The following GABRB2 variants were observed in gnomAD, a reference collection of about 807,000 sequenced individuals.
The protein encoded by GABRB2 is gamma-aminobutyric acid receptor subunit beta-2.
GABRB2 carries 16 observed loss-of-function variants against 54.7 expected under a neutral mutation model. The ratio of observed to expected loss-of-function variants is 0.29; its 90% confidence interval spans 0.20 to 0.44. The LOEUF (loss-of-function observed/expected upper bound fraction) is 0.44. Ranked by LOEUF, GABRB2 falls within the 20% of genes least tolerant of loss-of-function variation. The pLI is 1.00. For missense variants in GABRB2, 355 were observed against 644.0 expected, an observed-to-expected ratio of 0.55 and a Z score of 4.86; for synonymous variants, 244 against 233.8, an observed-to-expected ratio of 1.04 and a Z score of -0.40.
rs78346603 is a variant in GABRB2 at position 161,333,289 on chromosome 5, A to T, written c.832+1463T>A. 1.1e-3 allele frequency among the ~76,000 whole-genome samples: 174 copies of T among 152,338 alleles called. 1 individual carries two copies. Among genetic ancestry groups the T allele is most frequent in the African/African-American group, 3.9e-3 (161 of 41,576 alleles). ...CCATGCAAGACACTGCAGATATAAA[A>T]CTAGATATGGACCTTTCCTCCATGG... On this transcript the variant is annotated intron_variant, in intron 7 of 9. Transcript: ENST00000393959.
chr5:161,529,289 C>T (rs1010099368), intron 3 of GABRB2, among the ~76,000 whole-genome samples: 3 of 151,870 alleles, frequency 2.0e-5, no homozygotes, highest in Admixed American at 6.6e-5. Flanking sequence ...TCTATTTGTT[C>T]GATTTATGTG....
chr5:161,364,722 A>C (rs765345257), intron 5 of GABRB2, among the ~76,000 whole-genome samples: 25 of 152,262 alleles, frequency 1.6e-4, no homozygotes, highest in Non-Finnish European at 3.4e-4. Flanking sequence ...GCTGACTGAT[A>C]ATTAGCCACT....
chr5:161,544,395 G>A (rs1264479852), intron 3 of GABRB2, among the ~76,000 whole-genome samples: 2 of 152,102 alleles, frequency 1.3e-5, no homozygotes, highest in Admixed American at 6.5e-5. Flanking sequence ...CCAAGTATGT[G>A]GGGGCGTCTG....
chr5:161,387,167 G>A (rs1311682398), intron 5 of GABRB2, among the ~76,000 whole-genome samples: 1 of 151,868 alleles, frequency 6.6e-6, no homozygotes, highest in African/African-American at 2.4e-5. Flanking sequence ...TAATCCTGTG[G>A]CAGGTGTGCT....
intron 9 of GABRB2, among the ~76,000 whole-genome samples, chr5:161,325,542 G>C (rs1758337617): frequency 6.6e-6 from 1 of 152,066 alleles, no homozygotes; most frequent in Non-Finnish European, 1.5e-5. Context: ...CTGATACTTA[G>C]AAGATATAAT....
In GABRB2 at chr5:161,325,472, T is replaced by C. The variant is rs146684807; in HGVS notation, c.1191+896A>G. ...TTATCCATTCTGTCCCCTACCCCAA[T>C]GGCAACAACAATGATGTATTAAAGA... On this transcript the variant is annotated intron_variant, in intron 9 of 9. Transcript: ENST00000393959. Among the ~76,000 whole-genome samples, 1,129 of 152,162 alleles carry C rather than the reference T, an allele frequency of 7.4e-3. 12 individuals carry two copies. The highest frequency in any genetic ancestry group is 0.025 in the African/African-American group (1,026 of 41,544).
intron 9 of GABRB2, among the ~76,000 whole-genome samples, chr5:161,304,040 C>T: frequency 6.6e-6 from 1 of 152,066 alleles, no homozygotes; most frequent in East Asian, 1.9e-4. Flanking sequence ...ACAATACTTA[C>T]TAAATTGAAT....
intron 5 of GABRB2, among the ~76,000 whole-genome samples, chr5:161,340,455 G>T (rs1327516251): frequency 6.6e-6 from 1 of 151,926 alleles, no homozygotes; most frequent in Non-Finnish European, 1.5e-5. Context: ...TTACCATAGT[G>T]CTGGCACACA....
intron 4 of GABRB2, among the ~76,000 whole-genome samples, chr5:161,441,654 A>G (rs1160005137): frequency 6.6e-6 from 1 of 152,166 alleles, no homozygotes; most frequent in Non-Finnish European, 1.5e-5. Context: ...CTGTACTCCT[A>G]TGTTTGTTGC....
intron 3 of GABRB2, among the ~76,000 whole-genome samples, chr5:161,498,970 C>T (rs1302352526): frequency 6.6e-6 from 1 of 152,124 alleles, no homozygotes; most frequent in Non-Finnish European, 1.5e-5. Flanking sequence ...ACCTTTCTAC[C>T]CCCACGTCCT....
intron 5 of GABRB2, among the ~76,000 whole-genome samples, chr5:161,377,895 T>C (rs903718886): frequency 6.6e-6 from 1 of 152,080 alleles, no homozygotes; most frequent in African/African-American, 2.4e-5. Context: ...GTTTAATTTG[T>C]GTAAAATATT....
At chr5:161,356,766 G>C (rs140199367) in intron 5 of GABRB2, among the ~76,000 whole-genome samples, 2 of 152,138 alleles carry the variant, frequency 1.3e-5, no homozygotes, top group Non-Finnish European at 2.9e-5. Context: ...AAGAAACACA[G>C]AGAGGCACTC....
In GABRB2 at chr5:161,344,257, G is replaced by A. The variant is rs1203912424; in HGVS notation, c.542-7488C>T. 2.6e-5 allele frequency among the ~76,000 whole-genome samples: 4 copies of A among 152,134 alleles called. 1 individual carries two copies. The East Asian group carries it at 7.7e-4, about 29-fold the overall frequency. ...TTGCTGATGCTGTCTCTATTCAGGGGCCTGGTTTCCTTAAATAGTCTATAA... is the reference window on the plus strand; with the variant it reads ...TTGCTGATGCTGTCTCTATTCAGGGACCTGGTTTCCTTAAATAGTCTATAA... On this transcript the variant is annotated intron_variant, in intron 5 of 9. Coordinates refer to ENST00000393959, the MANE Select transcript of GABRB2 (RefSeq NM_001371727.1).
intron 4 of GABRB2, among the ~76,000 whole-genome samples, chr5:161,441,928 A>C (rs1487371299): frequency 1.3e-5 from 2 of 152,196 alleles, no homozygotes; most frequent in Admixed American, 6.5e-5. Flanking sequence ...ACATAGAGTG[A>C]AGAAGAATGA....
intron 4 of GABRB2, among the ~76,000 whole-genome samples, chr5:161,437,491 A>G (rs1757345639): frequency 6.6e-6 from 1 of 152,072 alleles, no homozygotes; most frequent in Admixed American, 6.6e-5. Context: ...ACTAACCAGC[A>G]TTGATACCCA....
chr5:161,428,592 G>A (rs35143439), intron 4 of GABRB2, among the ~76,000 whole-genome samples: 3,515 of 152,126 alleles, frequency 0.023, 59 homozygotes, highest in Non-Finnish European at 0.034. Context: ...TTATAGTGTC[G>A]TCAATAAATT....
rs955242638 is a variant in GABRB2 at position 161,290,247 on chromosome 5, GT to G, written c.*3833del. ...GCCCTAACCAACATGGTGGGGTTTAGTTTTTTTTTTTTCTTCCTCTTTGGAG... is the reference window on the plus strand; with the variant it reads ...GCCCTAACCAACATGGTGGGGTTTAGTTTTTTTTTTTCTTCCTCTTTGGAG... On this transcript the variant is annotated 3_prime_UTR_variant, in exon 10 of 10. Transcript: ENST00000393959. 7.8e-3 allele frequency: 1,134 copies of G among 145,386 alleles called. 14 individuals are homozygous for G. Among genetic ancestry groups the G allele is most frequent in the African/African-American group, 0.025 (1,006 of 39,854 alleles). 9.0% of individuals were successfully genotyped at this position (145,386 alleles called of 1,614,324 possible). A position where few individuals can be genotyped will look rare whatever the true frequency, so the allele number is the denominator to read the frequency against.
intron 5 of GABRB2, among the ~76,000 whole-genome samples, chr5:161,389,571 A>AGTGTGTGTGT (rs10666283): frequency 5.5e-5 from 8 of 145,834 alleles, no homozygotes; most frequent in African/African-American, 1.5e-4. Flanking sequence ...ATGTTTGTGG[A>AGTGTGTGTGT]GTGTGTGTGT....
chr5:161,344,807 A>G (rs1239489853), intron 5 of GABRB2, among the ~76,000 whole-genome samples: 2 of 152,174 alleles, frequency 1.3e-5, no homozygotes, highest in Admixed American at 1.3e-4. Context: ...ATGCCAATCA[A>G]TGGATAGACT....
Sources: gnomAD v4.1 joint callset for allele counts (sites outside exome capture counted in the v4.1 genomes callset) on GRCh38, gnomAD v4.1.1 for gene constraint, MANE v1.5 for transcripts, NCBI Gene and HGNC (gene_info 2026-07-23, HGNC 2026-07-21) for gene names.